The following ADGRL4 variants were observed in gnomAD, a reference collection of about 807,000 sequenced individuals.
ADGRL4 encodes EGF, latrophilin and seven transmembrane domain containing 1.
ADGRL4 carries 90 observed loss-of-function variants against 74.8 expected under a neutral mutation model. The observed-to-expected ratio is 1.20, with a 90% confidence interval of 1.02 to 1.43. The LOEUF (loss-of-function observed/expected upper bound fraction) is 1.43. ADGRL4 is among the 40% of genes most tolerant of loss of function. The pLI is 0.00. For missense variants in ADGRL4, 881 were observed against 814.3 expected (o/e 1.08, Z -1.00); for synonymous variants, 311 against 279.2 (o/e 1.11, Z -1.14).
chr1:78,946,536 T>C, intron 2 of ADGRL4, 110 bp from the exon 3 acceptor site: 1 of 851,360 alleles, frequency 1.2e-6, no homozygotes, highest in Non-Finnish European at 1.8e-6. Flanking sequence ...AGGTATGTGA[T>C]GTTTATATCT....
Position 78,917,899 on chromosome 1 carries a change from T to C in ADGRL4, c.1613A>G (p.Tyr538Cys), listed in dbSNP as rs1648911985. The stretch of plus-strand genomic sequence containing the variant: ...TCCAACTACCACGGCTGGGCTTAGA[T>C]AGCCAAAGATATAAAAATTCTTGTG... Reference protein sequence around the residue: ...FLHKNFYIFGYLSPAVVVGFS... With the variant: ...FLHKNFYIFGCLSPAVVVGFS... Residue 538 changes from tyrosine to cysteine, a missense_variant, in exon 11 of 15, where the codon TAT (tyrosine) becomes TGT (cysteine). Transcript: ENST00000370742. The C allele has an allele frequency of 2.5e-6, 4 of 1,612,600 alleles. No individual in the cohort carries two copies. The South Asian group carries it at 3.3e-5, about 13-fold the overall frequency.
At chr1:78,984,132 C>T (rs964248894) in intron 2 of ADGRL4, among the ~76,000 whole-genome samples, 8 of 151,586 alleles carry the variant, frequency 5.3e-5, no homozygotes, top group African/African-American at 1.9e-4. Context: ...TTAATACAAG[C>T]GAAGACACTA....
intron 2 of ADGRL4, among the ~76,000 whole-genome samples, chr1:78,958,053 G>C (rs1369034558): frequency 1.3e-5 from 2 of 152,126 alleles, no homozygotes; most frequent in Admixed American, 1.3e-4. Flanking sequence ...TCTGTTTACA[G>C]CATGGTTTAC....
intron 3 of ADGRL4, among the ~76,000 whole-genome samples, chr1:78,940,637 G>A (rs113866030): frequency 0.025 from 3,852 of 152,084 alleles, 74 homozygotes; most frequent in South Asian, 0.053. Flanking sequence ...CAGGTTTGAC[G>A]TCTTAAAGAT....
Position 78,985,778 on chromosome 1 carries a change from T to G in ADGRL4, c.172+19292A>C, listed in dbSNP as rs1650481482. Among the ~76,000 whole-genome samples the G allele has an allele frequency of 2.6e-5, 4 of 151,828 alleles. No individual in the cohort carries two copies. In the South Asian group the frequency reaches 8.3e-4, roughly 31 times the overall value. ...AGTGAAGACATGGAATTAACCTAAA[T>G]GCTCATCAGTGGTAGACTGGATAAA... On this transcript the variant is annotated intron_variant, in intron 2 of 14. Coordinates refer to ENST00000370742, the MANE Select transcript of ADGRL4 (RefSeq NM_022159.4).
chr1:78,916,721 G>A (rs1648879804), intron 12 of ADGRL4, among the ~76,000 whole-genome samples: 1 of 151,728 alleles, frequency 6.6e-6, no homozygotes, highest in Non-Finnish European at 1.5e-5. Context: ...AAAGGAAAGA[G>A]GAAGACAGAA....
chr1:78,992,234 A>G (rs546444525), intron 2 of ADGRL4, among the ~76,000 whole-genome samples: 29 of 152,208 alleles, frequency 1.9e-4, no homozygotes, highest in African/African-American at 6.3e-4. Flanking sequence ...TGAACAGTTA[A>G]CATTCTGTCT....
At chr1:78,936,477 T>C (rs1649357013) in intron 6 of ADGRL4, 66 bp from the exon 7 acceptor site, 2 of 1,314,122 alleles carry the variant, frequency 1.5e-6, no homozygotes, top group Non-Finnish European at 2.1e-6. Flanking sequence ...ATAAATATAT[T>C]AGCTTAGAGA....
chr1:78,957,235 C>T (rs565499265), intron 2 of ADGRL4, among the ~76,000 whole-genome samples: 1 of 152,170 alleles, frequency 6.6e-6, no homozygotes, highest in African/African-American at 2.4e-5. Flanking sequence ...GTTAATAACC[C>T]TACAATGTTC....
intron 2 of ADGRL4, among the ~76,000 whole-genome samples, chr1:78,976,043 C>T (rs548801255): frequency 1.3e-5 from 2 of 151,972 alleles, no homozygotes; most frequent in Admixed American, 6.6e-5. Context: ...CAGCTTACTG[C>T]TTTGAGAGAG....
chr1:78,963,452 T>C (rs974980223), intron 2 of ADGRL4, among the ~76,000 whole-genome samples: 13 of 152,330 alleles, frequency 8.5e-5, no homozygotes, highest in African/African-American at 3.1e-4. Context: ...CAGTATGCTG[T>C]CAACATTGTC....
rs752741340 is a variant in ADGRL4 at position 78,935,541 on chromosome 1, AAC to A, written c.877+752_877+753del. On this transcript the variant is annotated intron_variant, in intron 7 of 14. Coordinates refer to ENST00000370742, the MANE Select transcript of ADGRL4 (RefSeq NM_022159.4). ...AGTTAAGCAAAATTAAAAAAAAAAA[AAC>A]AAACCTACTTTAAAAAAATCTCTAT... 4.2e-3 allele frequency among the ~76,000 whole-genome samples: 622 copies of A among 149,212 alleles called. 2 individuals carry two copies. Among genetic ancestry groups the A allele is most frequent in the African/African-American group, 0.012 (499 of 40,454 alleles).
chr1:78,897,434 G>A (rs542797374), intron 12 of ADGRL4, among the ~76,000 whole-genome samples: 20 of 152,190 alleles, frequency 1.3e-4, no homozygotes, highest in African/African-American at 4.6e-4. Flanking sequence ...ATCCTGTTAA[G>A]TCAGTTTAGC....
intron 12 of ADGRL4, among the ~76,000 whole-genome samples, chr1:78,905,865 ATTT>A (rs1317627011): frequency 6.6e-6 from 1 of 152,036 alleles, no homozygotes; most frequent in African/African-American, 2.4e-5. Flanking sequence ...GAAAAATTAC[ATTT>A]TTATTTTGTC....
chr1:78,993,362 A>G (rs184152008), intron 2 of ADGRL4, among the ~76,000 whole-genome samples: 4 of 152,308 alleles, frequency 2.6e-5, no homozygotes, highest in Admixed American at 2.0e-4. Flanking sequence ...AAAATAAAAA[A>G]TGATTAAACC....
chr1:78,952,931 T>C (rs1223781806), intron 2 of ADGRL4, among the ~76,000 whole-genome samples: 2 of 152,164 alleles, frequency 1.3e-5, no homozygotes, highest in African/African-American at 4.8e-5. Context: ...ACAATACTTG[T>C]ATAGAATGGT....
At position 78,891,228 on chromosome 1, in the gene ADGRL4, A is replaced by G; in HGVS notation, c.2011-12T>C. On this transcript the variant is annotated splice_polypyrimidine_tract_variant and intron_variant, in intron 14 of 14. Transcript: ENST00000370742. ...TATTCTTCTTGAATCTAAAAATTAA[A>G]AAAAGGAAAGGAAGAAATGTTAATC... 6.3e-7 allele frequency: 1 copy of G among 1,593,172 alleles called. No individual in the cohort carries two copies. The highest frequency in any genetic ancestry group is 8.6e-7 in the Non-Finnish European group (1 of 1,167,944).
At chr1:78,991,629 A>T (rs1391487248) in intron 2 of ADGRL4, among the ~76,000 whole-genome samples, 1 of 151,964 alleles carries the variant, frequency 6.6e-6, no homozygotes, top group Non-Finnish European at 1.5e-5. Context: ...TAACCTTTGA[A>T]ATATGTGAAA....
chr1:78,899,027 T>A (rs1648459973), intron 12 of ADGRL4, among the ~76,000 whole-genome samples: 1 of 152,170 alleles, frequency 6.6e-6, no homozygotes, highest in Admixed American at 6.6e-5. Flanking sequence ...TTTCTTTTCA[T>A]AGTCTTTTTC....
Sources: allele counts gnomAD v4.1 joint callset (sites outside exome capture counted in the v4.1 genomes callset), GRCh38; gene constraint gnomAD v4.1.1; transcripts MANE v1.5; gene names NCBI Gene and HGNC (gene_info 2026-07-23, HGNC 2026-07-21).